OLFM3: variants seen among roughly 807,000 people sequenced by gnomAD.
The protein encoded by OLFM3 is noelin-3.
OLFM3 carries 20 observed loss-of-function variants against 48.6 expected under a neutral mutation model. The ratio of observed to expected loss-of-function variants is 0.41; its 90% CI spans 0.29 to 0.60. OLFM3 has a LOEUF of 0.60. OLFM3 is among the 20% of genes least tolerant of loss of function. OLFM3 has a pLI of 0.28. For missense variants in OLFM3, 437 were observed against 544.3 expected (o/e 0.80, Z 1.96); for synonymous variants, 222 against 198.1 (o/e 1.12, Z -1.01).
chr1:101,914,941 A>G (rs1336800), intron 1 of OLFM3, among the ~76,000 whole-genome samples: 65,809 of 152,062 alleles, frequency 0.43, 14,343 homozygotes, highest in East Asian at 0.59. Context: ...TTCATCACTT[A>G]GTACTTGATG....
chr1:101,868,094 C>A (rs1656926914), intron 1 of OLFM3, among the ~76,000 whole-genome samples: 1 of 152,104 alleles, frequency 6.6e-6, no homozygotes, highest in African/African-American at 2.4e-5. Context: ...AAATCTCTTT[C>A]CTTTATAAAT....
At chr1:101,956,348 C>CT (rs1170714367) in intron 1 of OLFM3, among the ~76,000 whole-genome samples, 1 of 151,728 alleles carries the variant, frequency 6.6e-6, no homozygotes, top group East Asian at 1.9e-4. Flanking sequence ...ATTATTCATT[C>CT]CCACCCGTCA....
rs146553878 is a variant in OLFM3 at position 101,845,445 on chromosome 1, G to A, written c.70-8420C>T. On this transcript the variant is annotated intron_variant, in intron 1 of 5. Transcript: ENST00000370103. ...AAAAAATATACATGTCAGAATCAAGGTGCAAAGTTTGAAATATAACTCATT... is the reference window on the plus strand; with the variant it reads ...AAAAAATATACATGTCAGAATCAAGATGCAAAGTTTGAAATATAACTCATT... Among the ~76,000 whole-genome samples, 1,413 of 151,898 alleles carry A rather than the reference G, an allele frequency of 9.3e-3. 30 individuals are homozygous for A. The highest frequency in any genetic ancestry group is 0.032 in the African/African-American group (1,322 of 41,452).
chr1:101,851,685 C>T (rs6667855), intron 1 of OLFM3, among the ~76,000 whole-genome samples: 7,426 of 152,026 alleles, frequency 0.049, 532 homozygotes, highest in African/African-American at 0.15. Flanking sequence ...ATTGAAAAGT[C>T]GAGGTAACTA....
chr1:101,903,554 T>A (rs1332199266), intron 1 of OLFM3, among the ~76,000 whole-genome samples: 1 of 152,076 alleles, frequency 6.6e-6, no homozygotes, highest in African/African-American at 2.4e-5. Flanking sequence ...GTAAGGCTTA[T>A]AATATTGACT....
At chr1:101,845,398 C>A (rs991547633) in intron 1 of OLFM3, among the ~76,000 whole-genome samples, 4 of 151,534 alleles carry the variant, frequency 2.6e-5, no homozygotes, top group Admixed American at 2.6e-4. Context: ...TAAAAAAAAA[C>A]CAAGCCAATG....
intron 1 of OLFM3, among the ~76,000 whole-genome samples, chr1:101,839,313 G>A (rs1462206767): frequency 6.6e-6 from 1 of 152,054 alleles, no homozygotes; most frequent in Non-Finnish European, 1.5e-5. Context: ...AATTAGATAA[G>A]ATCTTAGAGA....
At chr1:101,841,086 C>T (rs1655695945) in intron 1 of OLFM3, among the ~76,000 whole-genome samples, 1 of 152,094 alleles carries the variant, frequency 6.6e-6, no homozygotes, top group Non-Finnish European at 1.5e-5. Context: ...AATTACAAAG[C>T]TGTGCTTTAT....
chr1:101,884,798 T>A (rs573772962), intron 1 of OLFM3, among the ~76,000 whole-genome samples: 1 of 152,100 alleles, frequency 6.6e-6, no homozygotes, highest in African/African-American at 2.4e-5. Flanking sequence ...GGCTTGCCTT[T>A]TAAAGTTCTT....
intron 1 of OLFM3, among the ~76,000 whole-genome samples, chr1:101,959,554 T>C (rs1008646625): frequency 6.6e-6 from 1 of 152,180 alleles, no homozygotes; most frequent in Non-Finnish European, 1.5e-5. Flanking sequence ...TATTTGGATA[T>C]TATCAGTTCT....
At chr1:101,845,385 C>T (rs958678412) in intron 1 of OLFM3, among the ~76,000 whole-genome samples, 4 of 151,540 alleles carry the variant, frequency 2.6e-5, no homozygotes, top group Non-Finnish European at 5.9e-5. Context: ...CATCAGTCAA[C>T]AATAAAAAAA....
At chr1:101,924,197 T>C (rs989861268) in intron 1 of OLFM3, among the ~76,000 whole-genome samples, 1 of 152,180 alleles carries the variant, frequency 6.6e-6, no homozygotes, top group Non-Finnish European at 1.5e-5. Context: ...AATTTTGCAC[T>C]GATTATGAAC....
rs183734781 is a variant in OLFM3, at chr1:101,994,281, T to C, written c.69+2467A>G. On this transcript the variant is annotated intron_variant, in intron 1 of 5. Coordinates refer to ENST00000370103, the MANE Select transcript of OLFM3 (RefSeq NM_058170.4). ...TATTTGAAAATTTGATGATGACCCATATCACTCCAAATGTATTAGTATGCA... is the reference window on the plus strand; with the variant it reads ...TATTTGAAAATTTGATGATGACCCACATCACTCCAAATGTATTAGTATGCA... Among the ~76,000 whole-genome samples, 409 of 151,066 alleles carry C rather than the reference T, an allele frequency of 2.7e-3. 1 individual carries two copies. The highest frequency in any genetic ancestry group is 6.9e-3 in the Middle Eastern group (2 of 290).
chr1:101,843,982 T>C (rs1293962715), intron 1 of OLFM3, among the ~76,000 whole-genome samples: 1 of 152,142 alleles, frequency 6.6e-6, no homozygotes, highest in Non-Finnish European at 1.5e-5. Context: ...AGTGAGAACA[T>C]GGAGTGAGAA....
At chr1:101,952,175 T>C (rs1173859267) in intron 1 of OLFM3, among the ~76,000 whole-genome samples, 1 of 152,146 alleles carries the variant, frequency 6.6e-6, no homozygotes, top group Non-Finnish European at 1.5e-5. Context: ...CTTCAGGACT[T>C]AGTTCAAGAA....
At chr1:101,991,989 T>C (rs1661425361) in intron 1 of OLFM3, among the ~76,000 whole-genome samples, 1 of 152,142 alleles carries the variant, frequency 6.6e-6, no homozygotes, top group Admixed American at 6.5e-5. Flanking sequence ...TGGTCAAATA[T>C]TATTAAAAAT....
At chr1:101,927,338 T>C (rs929600421) in intron 1 of OLFM3, among the ~76,000 whole-genome samples, 1 of 152,144 alleles carries the variant, frequency 6.6e-6, no homozygotes, top group African/African-American at 2.4e-5. Context: ...ATAGATTTTT[T>C]ATCATTCTTA....
At chr1:101,849,749 G>C (rs1271313220) in intron 1 of OLFM3, among the ~76,000 whole-genome samples, 2 of 152,178 alleles carry the variant, frequency 1.3e-5, no homozygotes, top group Non-Finnish European at 2.9e-5. Context: ...ACAACAATTG[G>C]CAGTCCTTAG....
At position 101,825,166 on chromosome 1, in the gene OLFM3, G is replaced by T. The variant is rs747250391; in HGVS notation, c.452C>A (p.Thr151Asn). 2 of 1,613,988 alleles carry T rather than the reference G, an allele frequency of 1.2e-6. No individual in the cohort carries two copies. The highest frequency in any genetic ancestry group is 1.6e-4 in the Middle Eastern group (1 of 6,062). The change falls in exon 4 of 6, where the codon ACC becomes AAC. Residue 151 changes from threonine to asparagine, a missense_variant. Transcript: ENST00000370103. The part of the protein sequence containing the change: ...EQYKTDAKLI[T>N]QFKEEIRNLS... ...ATTCCTTATTTCCTCCTTGAACTGG[G>T]TGATTAACTTAGCATCTGTTTTGTA... is the stretch of plus-strand genomic sequence containing the variant.
Sources: allele counts gnomAD v4.1 joint callset (sites outside exome capture counted in the v4.1 genomes callset), GRCh38; gene constraint gnomAD v4.1.1; transcripts MANE v1.5; gene names NCBI Gene and HGNC (gene_info 2026-07-23, HGNC 2026-07-21).